Variants in GPC5 observed in about 807,000 individuals in gnomAD.
GPC5 encodes the protein glypican-5.
Under a neutral mutation model 53.9 loss-of-function variants are expected in GPC5, and 47 were observed. The observed-to-expected ratio is 0.87, with a 90% confidence interval of 0.69 to 1.11. The LOEUF is 1.11. GPC5 is among the 50% of genes most tolerant of loss of function. GPC5 has a pLI of 0.00. For missense variants in GPC5, 748 were observed against 713.1 expected, an observed-to-expected ratio of 1.05 and a Z score of -0.56; for synonymous variants, 286 against 263.3, an observed-to-expected ratio of 1.09 and a Z score of -0.84.
intron 2 of GPC5, among the ~76,000 whole-genome samples, chr13:91,563,376 A>G (rs957745288): frequency 1.3e-5 from 2 of 152,106 alleles, no homozygotes; most frequent in African/African-American, 4.8e-5. Flanking sequence ...AGTAGCAATT[A>G]AAAAAAATTC....
intron 7 of GPC5, among the ~76,000 whole-genome samples, chr13:92,357,593 G>A (rs1445626344): frequency 6.6e-6 from 1 of 151,578 alleles, no homozygotes; most frequent in Non-Finnish European, 1.5e-5. Flanking sequence ...CAGAGACTCG[G>A]TAATTTATAA....
At chr13:91,568,555 T>C (rs1010325252) in intron 2 of GPC5, among the ~76,000 whole-genome samples, 1 of 144,464 alleles carries the variant, frequency 6.9e-6, no homozygotes, top group East Asian at 1.9e-4. Context: ...AAGTAGAGCT[T>C]TTATTGAAAA....
chr13:91,471,327 G>T (rs1882611696), intron 2 of GPC5, among the ~76,000 whole-genome samples: 1 of 151,538 alleles, frequency 6.6e-6, no homozygotes, highest in Non-Finnish European at 1.5e-5. Flanking sequence ...ATGTTTCTCT[G>T]AGAATTTACT....
rs1414055398 is a variant in GPC5 at position 92,137,440 on chromosome 13, T to C, written c.1402-7390T>C. Among the ~76,000 whole-genome samples, 9 of 152,338 alleles carry C rather than the reference T, an allele frequency of 5.9e-5. No homozygotes were observed. In the South Asian group the frequency reaches 1.7e-3, roughly 28 times the overall value. ...GGAGCCAGTTAATGTTACTCCCATA[T>C]GGGTTCTCTCCTCCAATACAGGATT... On this transcript the variant is annotated intron_variant, in intron 6 of 7. Coordinates refer to ENST00000377067, the MANE Select transcript of GPC5 (RefSeq NM_004466.6).
At chr13:91,563,979 G>A (rs964423860) in intron 2 of GPC5, among the ~76,000 whole-genome samples, 5 of 152,004 alleles carry the variant, frequency 3.3e-5, no homozygotes, top group South Asian at 2.1e-4. Context: ...TGAGTGTTTC[G>A]CCTTGGTGTC....
At chr13:92,706,446 A>C (rs1243947065) in intron 7 of GPC5, among the ~76,000 whole-genome samples, 1 of 152,066 alleles carries the variant, frequency 6.6e-6, no homozygotes, top group African/African-American at 2.4e-5. Context: ...CCAGAAAAAA[A>C]GTTTCCATAA....
intron 7 of GPC5, among the ~76,000 whole-genome samples, chr13:92,324,190 T>C (rs1488691904): frequency 6.6e-6 from 1 of 151,968 alleles, no homozygotes; most frequent in Non-Finnish European, 1.5e-5. Flanking sequence ...TAGTAAAGTA[T>C]GTTTGCATAT....
rs1003859389 is a variant in GPC5 at position 91,742,416 on chromosome 13, A to C, written c.1154+13751A>C. Reference sequence around the variant, plus strand: ...TAATATTAAAAACAGAAAATGTTTTAAAAATGCTCTTACTTTCTAGATGTT... The same window carrying C: ...TAATATTAAAAACAGAAAATGTTTTCAAAATGCTCTTACTTTCTAGATGTT... On this transcript the variant is annotated intron_variant, in intron 4 of 7. Transcript: ENST00000377067. Among the ~76,000 whole-genome samples the C allele has an allele frequency of 2.6e-5, 4 of 152,202 alleles. No individual in the cohort carries two copies. The East Asian group carries it at 7.7e-4, about 29-fold the overall frequency.
At chr13:91,930,690 C>T (rs913653544) in intron 6 of GPC5, among the ~76,000 whole-genome samples, 1 of 152,006 alleles carries the variant, frequency 6.6e-6, no homozygotes, top group African/African-American at 2.4e-5. Context: ...GTACTAAATG[C>T]AAACACATAC....
At chr13:91,650,789 A>T (rs1293481378) in intron 2 of GPC5, among the ~76,000 whole-genome samples, 1 of 114,224 alleles carries the variant, frequency 8.8e-6, no homozygotes, top group Non-Finnish European at 1.8e-5. Context: ...GAAGGCTAAA[A>T]ACCATTTGTT....
At chr13:91,520,115 A>T (rs1459537745) in intron 2 of GPC5, among the ~76,000 whole-genome samples, 3 of 152,194 alleles carry the variant, frequency 2.0e-5, no homozygotes, top group African/African-American at 7.2e-5. Flanking sequence ...CATAAAAAAA[A>T]ATTTATAAAA....
intron 7 of GPC5, chr13:92,510,063 G>T (rs1192113006): frequency 6.6e-6 from 1 of 151,736 alleles, no homozygotes; most frequent in African/African-American, 2.4e-5. Context: ...CTAATCCAAG[G>T]GTTACTTAGA....
intron 7 of GPC5, among the ~76,000 whole-genome samples, chr13:92,463,393 C>T (rs1878569702): frequency 1.3e-5 from 2 of 152,182 alleles, no homozygotes; most frequent in Non-Finnish European, 2.9e-5. Flanking sequence ...GGCACTTAAC[C>T]TTTTTCAGTC....
In GPC5 at chr13:91,525,369, C is replaced by G. The variant is rs149675206; in HGVS notation, c.325+76447C>G. On this transcript the variant is annotated intron_variant, in intron 2 of 7. Transcript: ENST00000377067. ...GCTATTTGGTACTGAATATTGAAAT[C>G]CATTGGTGGTATATACCACTGCTTA... Among the ~76,000 whole-genome samples the G allele has an allele frequency of 3.5e-3, 535 of 152,222 alleles. 4 individuals are homozygous for G. The highest frequency in any genetic ancestry group is 0.012 in the African/African-American group (514 of 41,540).
chr13:92,028,072 A>G (rs753338137), intron 6 of GPC5, among the ~76,000 whole-genome samples: 4 of 152,314 alleles, frequency 2.6e-5, no homozygotes, highest in Admixed American at 6.5e-5. Flanking sequence ...ATACTACTAC[A>G]GACTGCTGGT....
chr13:92,487,210 A>T (rs1879587334), intron 7 of GPC5, among the ~76,000 whole-genome samples: 1 of 152,138 alleles, frequency 6.6e-6, no homozygotes, highest in Non-Finnish European at 1.5e-5. Flanking sequence ...ATTTGCATGT[A>T]GTTTTATCAT....
chr13:91,512,031 G>A (rs2139334883), intron 2 of GPC5, among the ~76,000 whole-genome samples: 1 of 152,256 alleles, frequency 6.6e-6, no homozygotes, highest in South Asian at 2.1e-4. Flanking sequence ...AATGTAACCT[G>A]TGGTAGAACT....
intron 5 of GPC5, among the ~76,000 whole-genome samples, chr13:91,858,830 A>G (rs989796214): frequency 3.3e-5 from 5 of 151,736 alleles, no homozygotes; most frequent in African/African-American, 1.2e-4. Context: ...TTTCCATCTC[A>G]TTACTTCTTG....
At chr13:91,529,253 T>G (rs1886229060) in intron 2 of GPC5, among the ~76,000 whole-genome samples, 1 of 152,222 alleles carries the variant, frequency 6.6e-6, no homozygotes, top group Non-Finnish European at 1.5e-5. Flanking sequence ...GAGCTTCATG[T>G]TAGTTAACAT....
Sources: allele counts gnomAD v4.1 joint callset (sites outside exome capture counted in the v4.1 genomes callset), GRCh38; gene constraint gnomAD v4.1.1; transcripts MANE v1.5; gene names NCBI Gene and HGNC (gene_info 2026-07-23, HGNC 2026-07-21).